PCM1: variants seen among roughly 807,000 people sequenced by gnomAD.
PCM1 encodes pericentriolar material 1 protein.
PCM1 carries 157 observed loss-of-function variants against 241.9 expected under a neutral mutation model. That is an observed-to-expected ratio of 0.65 (90% CI 0.57 to 0.74). The LOEUF (loss-of-function observed/expected upper bound fraction) is 0.74. Ranked by LOEUF, PCM1 falls within the 30% of genes least tolerant of loss-of-function variation. The pLI is 0.00. For synonymous variants in PCM1, 1,085 were observed against 784.9 expected (o/e 1.38, Z -6.39); for missense variants, 3,478 against 2,360.1 (o/e 1.47, Z -9.81).
chr8:17,929,892 T>G (rs537628354), intron 2 of PCM1, among the ~76,000 whole-genome samples: 1 of 152,296 alleles, frequency 6.6e-6, no homozygotes, highest in African/African-American at 2.4e-5. Context: ...GTAATAAAAG[T>G]TACAAGAATG....
chr8:17,923,262 G>C (rs1382558459), intron 1 of PCM1, 74 bp downstream of exon 1: 2 of 152,426 alleles, frequency 1.3e-5, no homozygotes, highest in Non-Finnish European at 1.5e-5. Context: ...AACGGCTCCG[G>C]GACACTCGGC....
At chr8:17,953,211 T>C (rs1230236794) in intron 9 of PCM1, 25 bp downstream of exon 9, 1 of 1,318,094 alleles carries the variant, frequency 7.6e-7, no homozygotes, top group Non-Finnish European at 1.1e-6. Context: ...TTCAGCAGTA[T>C]TGGGTATAAG....
In PCM1 at chr8:17,956,789, T is replaced by C. The variant is rs748754992; in HGVS notation, c.1646+12T>C. Reference sequence around the variant, plus strand: ...GTTACTAACATTCGGTAAGAACTTTTCTGGGGATGTTTTTCCAGCATATTC... The same window carrying C: ...GTTACTAACATTCGGTAAGAACTTTCCTGGGGATGTTTTTCCAGCATATTC... On this transcript the variant is annotated intron_variant, in intron 11 of 38. Coordinates refer to ENST00000325083, the MANE Select transcript of PCM1 (RefSeq NM_006197.4). The C allele has an allele frequency of 1.3e-5, 21 of 1,595,460 alleles. No individual in the cohort carries two copies. Among genetic ancestry groups the C allele is most frequent in the East Asian group, 2.2e-5 (1 of 44,588 alleles).
At chr8:18,008,542 C>G (rs753554971) in intron 30 of PCM1, among the ~76,000 whole-genome samples, 14 of 152,098 alleles carry the variant, frequency 9.2e-5, no homozygotes, top group Non-Finnish European at 1.8e-4. Context: ...TCTGTGAAAC[C>G]AGGTCCTGGT....
intron 2 of PCM1, chr8:17,926,458 G>C (rs1375458169): frequency 6.6e-6 from 1 of 152,178 alleles, no homozygotes; most frequent in Non-Finnish European, 1.5e-5. Context: ...AAAACAGACA[G>C]GGTGCCTTTC....
At chr8:17,992,841 T>G (rs905233205) in intron 28 of PCM1, among the ~76,000 whole-genome samples, 3 of 151,980 alleles carry the variant, frequency 2.0e-5, no homozygotes, top group African/African-American at 7.2e-5. Flanking sequence ...GGCCTTGAAC[T>G]CCTGGTCTCA....
At chr8:17,923,694 C>T (rs1000291386) in intron 1 of PCM1, among the ~76,000 whole-genome samples, 1 of 152,026 alleles carries the variant, frequency 6.6e-6, no homozygotes, top group African/African-American at 2.4e-5. Flanking sequence ...TGAAGAGTTG[C>T]AGTTGGGCTG....
chr8:17,929,255 C>T (rs1216904276), intron 2 of PCM1, among the ~76,000 whole-genome samples: 2 of 152,122 alleles, frequency 1.3e-5, no homozygotes, highest in African/African-American at 4.8e-5. Context: ...ATACACTTTT[C>T]CCCTTTTGGC....
intron 6 of PCM1, among the ~76,000 whole-genome samples, chr8:17,940,925 A>G (rs1400954297): frequency 6.6e-6 from 1 of 152,172 alleles, no homozygotes; most frequent in Admixed American, 6.5e-5. Context: ...GAGGATAAGC[A>G]TATATCTCTT....
At chr8:17,974,108 A>G (rs1434531823) in intron 23 of PCM1, among the ~76,000 whole-genome samples, 1 of 152,212 alleles carries the variant, frequency 6.6e-6, no homozygotes, top group African/African-American at 2.4e-5. Context: ...TTCTTAGCAT[A>G]CACATTATCA....
At chr8:18,025,817 TTATA>T (rs2094149814) in intron 38 of PCM1, among the ~76,000 whole-genome samples, 159 bp downstream of exon 38, 1 of 152,196 alleles carries the variant, frequency 6.6e-6, no homozygotes, top group African/African-American at 2.4e-5. Flanking sequence ...GTTCAACTAT[TTATA>T]AAACAGTGTC....
chr8:18,010,972 C>CA (rs1564367294), intron 32 of PCM1, among the ~76,000 whole-genome samples: 1 of 151,790 alleles, frequency 6.6e-6, no homozygotes, highest in African/African-American at 2.4e-5. Flanking sequence ...GACTGTGCCT[C>CA]AAAAAAATAA....
At chr8:17,973,053 T>C (rs1363749837) in intron 23 of PCM1, among the ~76,000 whole-genome samples, 1 of 152,124 alleles carries the variant, frequency 6.6e-6, no homozygotes, top group Admixed American at 6.5e-5. Flanking sequence ...GGATTCTTGA[T>C]TGATTAGTTT....
At chr8:17,959,600 A>G (rs1300364572) in intron 13 of PCM1, among the ~76,000 whole-genome samples, 2 of 152,156 alleles carry the variant, frequency 1.3e-5, no homozygotes, top group Non-Finnish European at 2.9e-5. Flanking sequence ...TTCTATATGT[A>G]TTTCCGTATG....
At chr8:18,006,152 G>A (rs2129484268) in intron 29 of PCM1, 111 bp from the exon 30 acceptor site, 1 of 787,414 alleles carries the variant, frequency 1.3e-6, no homozygotes, top group South Asian at 2.6e-5. Flanking sequence ...GAAAATTGAG[G>A]AGCATCTACG....
At chr8:17,936,267 G>C (rs988215399) in intron 3 of PCM1, among the ~76,000 whole-genome samples, 1 of 152,150 alleles carries the variant, frequency 6.6e-6, no homozygotes, top group Non-Finnish European at 1.5e-5. Context: ...GGGGTGAGGT[G>C]TAAGTAGTGT....
In PCM1 at chr8:17,923,435, CCTT is replaced by C. The variant is rs549856468; in HGVS notation, c.-91+251_-91+253del. Among the ~76,000 whole-genome samples, 91 of 152,332 alleles carry C rather than the reference CCTT, an allele frequency of 6.0e-4. 2 individuals carry two copies. In the South Asian group the frequency reaches 0.019, roughly 32 times the overall value. On this transcript the variant is annotated intron_variant, in intron 1 of 38. Transcript: ENST00000325083. The stretch of plus-strand genomic sequence containing the variant: ...CGACGCGTTGGTGATTGCAGGACTC[CCTT>C]CTTGCCTCCTCGCCCCTCCTGCTGG...
chr8:17,966,207 C>G lies in PCM1; in HGVS notation c.3064C>G (p.Gln1022Glu), dbSNP rs778781820. Residue 1022 changes from glutamine to glutamate, a missense_variant, in exon 19 of 39, where the codon CAA (glutamine) becomes GAA (glutamate). Physicochemically the swap from Gln to Glu is conservative, Grantham distance 29. Transcript: ENST00000325083. ...FSVSICQTLM[Q>E]DQQTLSCLLQ... The stretch of plus-strand genomic sequence containing the variant: ...TGTCAGTATTTGTCAGACTTTGATG[C>G]AAGACCAGCAGGTAAAATTTGCTAT... The G allele has an allele frequency of 1.2e-6, 2 of 1,612,506 alleles. No homozygotes were observed. The highest frequency in any genetic ancestry group is 1.7e-6 in the Non-Finnish European group (2 of 1,178,696).
At chr8:18,007,084 A>G (rs1018248916) in intron 30 of PCM1, among the ~76,000 whole-genome samples, 1 of 152,214 alleles carries the variant, frequency 6.6e-6, no homozygotes, top group African/African-American at 2.4e-5. Context: ...TGTTAATAAA[A>G]TTACCTTGTT....
Sources: allele counts gnomAD v4.1 joint callset (sites outside exome capture counted in the v4.1 genomes callset), GRCh38; gene constraint gnomAD v4.1.1; transcripts MANE v1.5; gene names NCBI Gene and HGNC (gene_info 2026-07-23, HGNC 2026-07-21).